The following DAPK1 variants were observed in gnomAD, a reference collection of about 807,000 sequenced individuals.
DAPK1 encodes death-associated protein kinase 1.
A neutral mutation model predicts 144.9 loss-of-function variants in DAPK1; 56 were observed. That is an observed-to-expected ratio of 0.39 (90% CI 0.31 to 0.48). The LOEUF (loss-of-function observed/expected upper bound fraction) is 0.48, where lower values mean the gene tolerates loss of function less well. DAPK1 is among the 20% of genes least tolerant of loss of function. The pLI, the probability that DAPK1 is intolerant of heterozygous loss-of-function variation, is 0.95. For missense variants in DAPK1, 1,454 were observed against 1,875.4 expected, an observed-to-expected ratio of 0.78 and a Z score of 4.15; for synonymous variants, 690 against 749.0, an observed-to-expected ratio of 0.92 and a Z score of 1.29.
intron 3 of DAPK1, among the ~76,000 whole-genome samples, chr9:87,637,460 A>T (rs1587796334): frequency 6.6e-6 from 1 of 152,148 alleles, no homozygotes; most frequent in African/African-American, 2.4e-5. Context: ...GAGAGGAAAA[A>T]ACCCTTATCA....
At chr9:87,639,142 C>T (rs1228605567) in intron 4 of DAPK1, among the ~76,000 whole-genome samples, 1 of 152,168 alleles carries the variant, frequency 6.6e-6, no homozygotes, top group East Asian at 1.9e-4. Context: ...TGTCCCCTCC[C>T]ACATAACCCA....
chr9:87,629,294 G>T (rs36210040), intron 3 of DAPK1, among the ~76,000 whole-genome samples: 1 of 152,038 alleles, frequency 6.6e-6, no homozygotes, highest in Admixed American at 6.5e-5. Context: ...GGGAATGCTC[G>T]TCTACAAGCC....
At chr9:87,568,499 G>C (rs947020419) in intron 2 of DAPK1, among the ~76,000 whole-genome samples, 15 of 152,104 alleles carry the variant, frequency 9.9e-5, no homozygotes, top group African/African-American at 3.6e-4. Flanking sequence ...GCATTCTGTG[G>C]GGGAGATGTT....
intron 12 of DAPK1, among the ~76,000 whole-genome samples, 184 bp from the exon 13 acceptor site, chr9:87,646,277 G>C (rs1403909692): frequency 1.3e-5 from 2 of 152,196 alleles, no homozygotes; most frequent in Admixed American, 6.5e-5. Context: ...TGTCCCTGAT[G>C]ATGAGAATCC....
intron 21 of DAPK1, among the ~76,000 whole-genome samples, chr9:87,691,112 C>G (rs1184419550): frequency 6.6e-6 from 1 of 151,892 alleles, no homozygotes; most frequent in Non-Finnish European, 1.5e-5. Flanking sequence ...ATTAGTTCTT[C>G]TGACATCCAA....
At chr9:87,700,626 G>A (rs1357653968) in intron 24 of DAPK1, among the ~76,000 whole-genome samples, 1 of 152,014 alleles carries the variant, frequency 6.6e-6, no homozygotes, top group Non-Finnish European at 1.5e-5. Flanking sequence ...AGCCTCCCAA[G>A]TAGCTAGGAC....
intron 2 of DAPK1, among the ~76,000 whole-genome samples, chr9:87,511,668 TTGTGTGTGTGTGTG>T (rs59377718): frequency 0.026 from 3,729 of 140,734 alleles, 165 homozygotes; most frequent in African/African-American, 0.093. Flanking sequence ...TCTTTTTCTT[TTGTGTGTGTGTGTG>T]TGTGTGTGTG....
Position 87,539,772 on chromosome 9 carries a change from C to A in DAPK1, c.62+40633C>A, listed in dbSNP as rs564983203. ...GAAATCTCCTGTTGTCTCATACCAT[C>A]CGAGAGTAGAAGCATCCTTTGTCCA... On this transcript the variant is annotated intron_variant, in intron 2 of 25. Transcript: ENST00000408954. Among the ~76,000 whole-genome samples, 3 of 152,214 alleles carry A rather than the reference C, an allele frequency of 2.0e-5. No homozygotes were observed. In the South Asian group the frequency reaches 6.2e-4, roughly 32 times the overall value.
In DAPK1 at chr9:87,605,107, G is replaced by C; in HGVS notation, c.216G>C (p.Gln72His). ...EREVSILKEI[Q>H]HPNVITLHEV... ...AGGTCAGCATCCTGAAGGAGATCCAGCACCCCAATGTCATCACCCTGCACG... is the reference window on the plus strand; with the variant it reads ...AGGTCAGCATCCTGAAGGAGATCCACCACCCCAATGTCATCACCCTGCACG... Residue 72 changes from glutamine (Q) to histidine (H), a missense_variant, in exon 3 of 26, where the codon CAG becomes CAC. Physicochemically the swap from Gln to His is conservative, Grantham distance 24 (BLOSUM62 0). Around this residue, in one of 2 missense-constraint regions of DAPK1, gnomAD observed 429 missense variants for 637.5 expected, o/e 0.67. Coordinates refer to ENST00000408954, the MANE Select transcript of DAPK1 (RefSeq NM_004938.4). 6.2e-7 allele frequency: 1 copy of C among 1,614,204 alleles called. No homozygotes were observed. Among genetic ancestry groups the C allele is most frequent in the Non-Finnish European group, 8.5e-7 (1 of 1,180,042 alleles).
intron 3 of DAPK1, among the ~76,000 whole-genome samples, chr9:87,611,841 T>C (rs1181922872): frequency 6.6e-6 from 1 of 152,212 alleles, no homozygotes; most frequent in African/African-American, 2.4e-5. Flanking sequence ...ATGCTGCTGG[T>C]CTGGGTTCAT....
At chr9:87,675,751 TAGTG>T (rs985742386) in intron 19 of DAPK1, among the ~76,000 whole-genome samples, 5 of 151,676 alleles carry the variant, frequency 3.3e-5, no homozygotes, top group Admixed American at 2.6e-4. Flanking sequence ...CTCTATTACT[TAGTG>T]AGCCTTGGGC....
chr9:87,596,599 G>A (rs890547527), intron 2 of DAPK1, among the ~76,000 whole-genome samples: 17 of 152,170 alleles, frequency 1.1e-4, no homozygotes, highest in Non-Finnish European at 2.9e-5. Flanking sequence ...GAGAGGGCCC[G>A]TTTTTCTGAG....
intron 2 of DAPK1, among the ~76,000 whole-genome samples, chr9:87,509,088 C>A (rs1226210788): frequency 6.6e-6 from 1 of 152,138 alleles, no homozygotes; most frequent in Non-Finnish European, 1.5e-5. Context: ...AAGGCTGCAA[C>A]CTTTGGAGTG....
intron 3 of DAPK1, among the ~76,000 whole-genome samples, chr9:87,628,706 T>C (rs12235641): frequency 0.5 from 75,475 of 152,040 alleles, 19,898 homozygotes; most frequent in East Asian, 0.78. Flanking sequence ...TCCTTCACGC[T>C]GTATACACCA....
intron 17 of DAPK1, among the ~76,000 whole-genome samples, chr9:87,655,709 G>A (rs1314322258): frequency 1.3e-5 from 2 of 152,216 alleles, no homozygotes; most frequent in African/African-American, 4.8e-5. Flanking sequence ...ATGGAAATCA[G>A]GAGAGTGGCC....
intron 2 of DAPK1, among the ~76,000 whole-genome samples, chr9:87,588,489 T>C (rs1274781209): frequency 6.6e-6 from 1 of 152,104 alleles, no homozygotes; most frequent in African/African-American, 2.4e-5. Context: ...CAGTTTTGTT[T>C]TGTTTTGTTT....
intron 2 of DAPK1, among the ~76,000 whole-genome samples, chr9:87,542,665 C>T (rs73652031): frequency 0.023 from 3,479 of 152,300 alleles, 134 homozygotes; most frequent in African/African-American, 0.074. Context: ...AAAGATCATT[C>T]CCATTTTAAG....
chr9:87,546,334 A>G (rs1374900855), intron 2 of DAPK1, among the ~76,000 whole-genome samples: 5 of 152,192 alleles, frequency 3.3e-5, no homozygotes, highest in African/African-American at 7.2e-5. Context: ...TGGTTTCTGC[A>G]GAAAGGAATG....
At chr9:87,579,558 G>C (rs146083330) in intron 2 of DAPK1, among the ~76,000 whole-genome samples, 3 of 152,104 alleles carry the variant, frequency 2.0e-5, no homozygotes, top group Non-Finnish European at 4.4e-5. Context: ...GTTGCTCTAC[G>C]TTGGGAATAA....
Sources: gnomAD v4.1 joint callset for allele counts (sites outside exome capture counted in the v4.1 genomes callset) on GRCh38, gnomAD v4.1.1 for gene constraint, gnomAD v4.1.1 regional missense constraint, MANE v1.5 for transcripts, NCBI Gene and HGNC (gene_info 2026-07-23, HGNC 2026-07-21) for gene names.